LMBR1: variants seen among roughly 807,000 people sequenced by gnomAD.
LMBR1 encodes limb development membrane protein 1, also known as limb region 1 protein homolog.
In LMBR1, 52 loss-of-function variants were observed where a neutral mutation model predicts 73.9. That is an observed-to-expected ratio of 0.70 (90% CI 0.56 to 0.89). The LOEUF (loss-of-function observed/expected upper bound fraction) is 0.89. LMBR1 is among the 40% of genes least tolerant of loss of function. The pLI is 0.00. For synonymous variants in LMBR1, 215 were observed against 209.4 expected, an observed-to-expected ratio of 1.03 and a Z score of -0.23; for missense variants, 539 against 579.8, an observed-to-expected ratio of 0.93 and a Z score of 0.72.
At chr7:156,698,702 G>A (rs754659083) in intron 15 of LMBR1, among the ~76,000 whole-genome samples, 3 of 152,172 alleles carry the variant, frequency 2.0e-5, no homozygotes, top group Non-Finnish European at 4.4e-5. Context: ...GAGGGACCCT[G>A]GGTCCAGCCC....
At chr7:156,744,123 G>T (rs1402411953) in intron 9 of LMBR1, among the ~76,000 whole-genome samples, 1 of 152,058 alleles carries the variant, frequency 6.6e-6, no homozygotes, top group Non-Finnish European at 1.5e-5. Context: ...GCCCAGGCTG[G>T]ACTCGAACTT....
intron 1 of LMBR1, among the ~76,000 whole-genome samples, chr7:156,879,492 G>A (rs928118483): frequency 8.6e-5 from 13 of 151,874 alleles, no homozygotes; most frequent in Non-Finnish European, 1.3e-4. Flanking sequence ...GTGAAACCCC[G>A]TCTCTACTAA....
chr7:156,796,383 A>T lies in LMBR1; in HGVS notation c.423+6T>A. ...CCAATTTAATTCCAATACTAGATTC[A>T]CTTACCTTTTTCAGGCCAGCAAAGC... On this transcript the variant is annotated splice_donor_region_variant and intron_variant, in intron 5 of 16. Transcript: ENST00000353442. 1 of 1,581,606 alleles carries T rather than the reference A, an allele frequency of 6.3e-7. No homozygotes were observed. Among genetic ancestry groups the T allele is most frequent in the Non-Finnish European group, 8.6e-7 (1 of 1,159,820 alleles).
At chr7:156,878,841 T>C (rs533716063) in intron 1 of LMBR1, among the ~76,000 whole-genome samples, 2 of 152,184 alleles carry the variant, frequency 1.3e-5, no homozygotes, top group African/African-American at 2.4e-5. Flanking sequence ...AGCATGGTAC[T>C]AGTATAAAAA....
intron 5 of LMBR1, among the ~76,000 whole-genome samples, chr7:156,781,554 G>C (rs1827134432): frequency 6.6e-6 from 1 of 152,010 alleles, no homozygotes; most frequent in Non-Finnish European, 1.5e-5. Context: ...CAGCAAGTTG[G>C]CATTTGGTTT....
At chr7:156,739,491 G>A (rs893772573) in intron 9 of LMBR1, among the ~76,000 whole-genome samples, 1 of 152,200 alleles carries the variant, frequency 6.6e-6, no homozygotes, top group Non-Finnish European at 1.5e-5. Flanking sequence ...CTTTGAGTGA[G>A]ACGTAGTGCC....
chr7:156,782,700 A>G (rs1827361205), intron 5 of LMBR1, among the ~76,000 whole-genome samples: 1 of 152,106 alleles, frequency 6.6e-6, no homozygotes, highest in African/African-American at 2.4e-5. Flanking sequence ...ACACGCCACC[A>G]TGCCCAGCTA....
chr7:156,842,699 G>A (rs969657206), intron 1 of LMBR1, among the ~76,000 whole-genome samples: 1 of 152,102 alleles, frequency 6.6e-6, no homozygotes, highest in African/African-American at 2.4e-5. Flanking sequence ...GAGAACAAAT[G>A]GAGCAAATAT....
chr7:156,791,587 C>CTGTCA (rs2133322536), intron 5 of LMBR1, among the ~76,000 whole-genome samples: 1 of 152,346 alleles, frequency 6.6e-6, no homozygotes, highest in Non-Finnish European at 1.5e-5. Context: ...CTCTATTGTG[C>CTGTCA]TGTCATGTTG....
chr7:156,849,453 T>C (rs961789194), intron 1 of LMBR1, among the ~76,000 whole-genome samples: 1 of 152,126 alleles, frequency 6.6e-6, no homozygotes, highest in African/African-American at 2.4e-5. Context: ...CTGTGAAACA[T>C]AGTAACAAAC....
intron 9 of LMBR1, among the ~76,000 whole-genome samples, chr7:156,740,876 G>T (rs562551174): frequency 6.6e-6 from 1 of 152,306 alleles, no homozygotes; most frequent in Non-Finnish European, 1.5e-5. Context: ...TAATTACGGT[G>T]TGTAAACTAC....
At chr7:156,805,536 C>G (rs1831880960) in intron 4 of LMBR1, among the ~76,000 whole-genome samples, 1 of 152,168 alleles carries the variant, frequency 6.6e-6, no homozygotes. Context: ...GTCTTGATTA[C>G]TGTAGCTTTA....
chr7:156,721,670 T>C (rs964708165), intron 15 of LMBR1, among the ~76,000 whole-genome samples: 1 of 151,370 alleles, frequency 6.6e-6, no homozygotes, highest in Non-Finnish European at 1.5e-5. Flanking sequence ...AGGGTTCTAA[T>C]AAAAAATTTT....
chr7:156,673,985 A>C (rs143982923), downstream of LMBR1, among the ~76,000 whole-genome samples: 217 of 152,168 alleles, frequency 1.4e-3, no homozygotes, highest in African/African-American at 4.3e-3. Context: ...GTCATGGACC[A>C]TCCAAAATGC....
chr7:156,819,812 T>C (rs935971153), intron 4 of LMBR1, among the ~76,000 whole-genome samples: 3 of 152,116 alleles, frequency 2.0e-5, no homozygotes. Flanking sequence ...AGCGGGTCCC[T>C]GAACCCATCC....
chr7:156,700,057 G>T (rs1809296285), intron 15 of LMBR1, among the ~76,000 whole-genome samples: 1 of 152,198 alleles, frequency 6.6e-6, no homozygotes, highest in African/African-American at 2.4e-5. Context: ...ATACTCAAAG[G>T]ATTATAAATC....
intron 1 of LMBR1, among the ~76,000 whole-genome samples, chr7:156,838,697 T>A (rs186348704): frequency 6.6e-6 from 1 of 151,284 alleles, no homozygotes; most frequent in African/African-American, 2.4e-5. Flanking sequence ...AGGTATCTCT[T>A]CAACACATTG....
intron 9 of LMBR1, among the ~76,000 whole-genome samples, chr7:156,747,702 AG>A (rs1820097176): frequency 6.6e-6 from 1 of 152,166 alleles, no homozygotes; most frequent in African/African-American, 2.4e-5. Flanking sequence ...ACCAAAAAAA[AG>A]TTTGATTAGA....
chr7:156,762,064 C>T (rs1183766704), intron 8 of LMBR1, 70 bp downstream of exon 8: 12 of 844,256 alleles, frequency 1.4e-5, no homozygotes, highest in Non-Finnish European at 2.4e-5. Context: ...TGCTAGCTCA[C>T]AATATCAAAG....
Sources: gnomAD v4.1 joint callset for allele counts (sites outside exome capture counted in the v4.1 genomes callset) on GRCh38, gnomAD v4.1.1 for gene constraint, MANE v1.5 for transcripts, NCBI Gene and HGNC (gene_info 2026-07-23, HGNC 2026-07-21) for gene names.